PREX1: variants seen among roughly 807,000 people sequenced by gnomAD.
PREX1 encodes phosphatidylinositol 3,4,5-trisphosphate-dependent Rac exchanger 1 protein.
PREX1 carries 41 observed loss-of-function variants against 198.3 expected under a neutral mutation model. The ratio of observed to expected loss-of-function variants is 0.21; its 90% CI spans 0.16 to 0.27. The LOEUF (loss-of-function observed/expected upper bound fraction) is 0.27, where lower values mean the gene tolerates loss of function less well. PREX1 is among the 10% of genes least tolerant of loss of function. The pLI is 1.00. For synonymous variants in PREX1, 843 were observed against 887.2 expected (o/e 0.95, Z 0.89); for missense variants, 1,620 against 2,200.7 (o/e 0.74, Z 5.28).
the PREX1 span, among the ~76,000 whole-genome samples, chr20:48,846,789 C>T: frequency 1.1e-4 from 17 of 152,118 alleles, no homozygotes; most frequent in Non-Finnish European, 1.8e-4. Flanking sequence ...CCCTCGGGGA[C>T]CAGAGGGCCA....
the PREX1 span, among the ~76,000 whole-genome samples, chr20:48,877,617 G>A: frequency 6.6e-6 from 1 of 152,188 alleles, no homozygotes; most frequent in African/African-American, 2.4e-5. Flanking sequence ...ACACTGATTG[G>A]CCTGGTGTAG....
chr20:48,716,832 C>T (rs566908848), intron 5 of PREX1, among the ~76,000 whole-genome samples: 1 of 152,220 alleles, frequency 6.6e-6, no homozygotes, highest in South Asian at 2.1e-4. Flanking sequence ...TGGTCACACA[C>T]AGGCCTGAGG....
intron 27 of PREX1, among the ~76,000 whole-genome samples, chr20:48,643,976 C>A (rs118169224): frequency 3.3e-5 from 5 of 152,346 alleles, no homozygotes; most frequent in Non-Finnish European, 7.3e-5. Context: ...CACGCTCAGC[C>A]ATGGGTACTT....
intron 1 of PREX1, among the ~76,000 whole-genome samples, chr20:48,825,087 C>T (rs1247587575): frequency 6.6e-6 from 1 of 152,176 alleles, no homozygotes; most frequent in Non-Finnish European, 1.5e-5. Context: ...GCCTTGCAAC[C>T]ATGGAAAGCC....
chr20:48,749,659 C>T (rs2090125586), intron 1 of PREX1, among the ~76,000 whole-genome samples: 1 of 152,138 alleles, frequency 6.6e-6, no homozygotes, highest in Non-Finnish European at 1.5e-5. Context: ...GGAGGGGGCG[C>T]AATGACAGTC....
chr20:48,688,236 T>C (rs1053989907), intron 10 of PREX1, among the ~76,000 whole-genome samples: 1 of 152,202 alleles, frequency 6.6e-6, no homozygotes, highest in African/African-American at 2.4e-5. Flanking sequence ...AGCAGCATTT[T>C]TCAAACCGTT....
chr20:48,640,598 T>G (rs573982572), intron 29 of PREX1, among the ~76,000 whole-genome samples: 1 of 152,274 alleles, frequency 6.6e-6, no homozygotes, highest in South Asian at 2.1e-4. Context: ...TGGTGGCAAC[T>G]GCCCATCTGC....
At chr20:48,837,995 A>T in the PREX1 span, among the ~76,000 whole-genome samples, 1 of 152,208 alleles carries the variant, frequency 6.6e-6, no homozygotes, top group African/African-American at 2.4e-5. Flanking sequence ...ATTATACATG[A>T]TGTAGGTATG....
At chr20:48,640,608 C>T (rs904839636) in intron 29 of PREX1, among the ~76,000 whole-genome samples, 3 of 152,160 alleles carry the variant, frequency 2.0e-5, no homozygotes, top group African/African-American at 7.2e-5. Context: ...TGCCCATCTG[C>T]ATTTCTATCT....
At chr20:48,704,528 T>TTCCTTTCCTTCCTTCCTTTCC (rs2089892820) in intron 6 of PREX1, among the ~76,000 whole-genome samples, 1 of 150,946 alleles carries the variant, frequency 6.6e-6, no homozygotes, top group Non-Finnish European at 1.5e-5. Context: ...CCTTCCTTCC[T>TTCCTTTCCTTCCTTCCTTTCC]TTCCTTCCTT....
chr20:48,864,173 C>T, the PREX1 span, among the ~76,000 whole-genome samples: 1 of 152,300 alleles, frequency 6.6e-6, no homozygotes, highest in African/African-American at 2.4e-5. Flanking sequence ...AAATTTCGAT[C>T]TTTCATTTCA....
chr20:48,788,965 A>G (rs1167026557), intron 1 of PREX1, among the ~76,000 whole-genome samples: 1 of 152,146 alleles, frequency 6.6e-6, no homozygotes, highest in East Asian at 1.9e-4. Context: ...TTCTCACCAG[A>G]TGTGGCCCCT....
chr20:48,851,785 T>C, the PREX1 span, among the ~76,000 whole-genome samples: 2 of 152,156 alleles, frequency 1.3e-5, no homozygotes, highest in African/African-American at 4.8e-5. Flanking sequence ...TCCGTAAATA[T>C]TGATTTAAAT....
chr20:48,720,942 C>T (rs532106034), intron 5 of PREX1, among the ~76,000 whole-genome samples: 59 of 152,260 alleles, frequency 3.9e-4, no homozygotes, highest in African/African-American at 1.4e-3. Flanking sequence ...GGCTGTACCC[C>T]AAGCAGCCAC....
chr20:48,803,367 C>T (rs553519326), intron 1 of PREX1, among the ~76,000 whole-genome samples: 28 of 152,140 alleles, frequency 1.8e-4, no homozygotes, highest in East Asian at 9.6e-4. Context: ...GGAGGGAGAA[C>T]AGGGAGATGA....
At chr20:48,820,684 T>C (rs2090480526) in intron 1 of PREX1, among the ~76,000 whole-genome samples, 1 of 152,198 alleles carries the variant, frequency 6.6e-6, no homozygotes, top group Admixed American at 6.5e-5. Context: ...CTGGAATATC[T>C]GGAGACATCT....
intron 14 of PREX1, among the ~76,000 whole-genome samples, chr20:48,671,444 C>T (rs952705475): frequency 1.3e-5 from 2 of 152,180 alleles, no homozygotes; most frequent in African/African-American, 4.8e-5. Flanking sequence ...CCACAAACTC[C>T]AGACAATAAA....
chr20:48,737,010 A>G (rs1186598062), intron 3 of PREX1, among the ~76,000 whole-genome samples: 1 of 152,096 alleles, frequency 6.6e-6, no homozygotes, highest in East Asian at 1.9e-4. Flanking sequence ...CAACAATATC[A>G]TTACCATAAT....
At chr20:48,775,912 T>C (rs1355616592) in intron 1 of PREX1, among the ~76,000 whole-genome samples, 2 of 152,270 alleles carry the variant, frequency 1.3e-5, no homozygotes, top group South Asian at 2.1e-4. Flanking sequence ...AATGGACTAA[T>C]ACAGGCGGTT....
Sources: allele counts gnomAD v4.1 joint callset (sites outside exome capture counted in the v4.1 genomes callset), GRCh38; gene constraint gnomAD v4.1.1; transcripts MANE v1.5; gene names NCBI Gene and HGNC (gene_info 2026-07-23, HGNC 2026-07-21).